Variants in FAM131C observed in about 807,000 individuals in gnomAD.
FAM131C encodes protein FAM131C.
FAM131C carries 14 observed loss-of-function variants against 29.8 expected under a neutral mutation model. The observed-to-expected ratio is 0.47, with a 90% confidence interval of 0.31 to 0.73. The LOEUF (loss-of-function observed/expected upper bound fraction) is 0.73, where lower values mean the gene tolerates loss of function less well. Ranked by LOEUF, FAM131C falls within the 30% of genes least tolerant of loss-of-function variation. The pLI is 0.05. For synonymous variants in FAM131C, 86 were observed against 157.8 expected (o/e 0.54, Z 3.41); for missense variants, 252 against 383.8 (o/e 0.66, Z 2.87).
In FAM131C at chr1:16,062,091, G is replaced by C; in HGVS notation, c.268+8C>G. ...TCCACCGGCAGGAGAGTTGCGGCCAGAACCTACCCACAAGGGACGAGGTGG... is the reference window on the plus strand; with the variant it reads ...TCCACCGGCAGGAGAGTTGCGGCCACAACCTACCCACAAGGGACGAGGTGG... On this transcript the variant is annotated splice_region_variant and intron_variant, in intron 4 of 6. Transcript: ENST00000375662. 1 of 1,610,888 alleles carries C rather than the reference G, an allele frequency of 6.2e-7. No homozygotes were observed. Among genetic ancestry groups the C allele is most frequent in the African/African-American group, 1.3e-5 (1 of 75,006 alleles).
At chr1:16,062,021 C>G (rs1013979480) in intron 4 of FAM131C, 78 bp downstream of exon 4, 1 of 1,387,046 alleles carries the variant, frequency 7.2e-7, no homozygotes, top group African/African-American at 1.4e-5. Flanking sequence ...TGCAACTCAG[C>G]CATGCCCTTC....
At chr1:16,060,676 G>A (rs2023580739) in intron 4 of FAM131C, among the ~76,000 whole-genome samples, 2 of 152,200 alleles carry the variant, frequency 1.3e-5, no homozygotes, top group South Asian at 2.1e-4. Flanking sequence ...AGGCATGGTA[G>A]TGTCTGGCGT....
chr1:16,071,309 T>A (rs1300313292), intron 1 of FAM131C, among the ~76,000 whole-genome samples: 2 of 152,206 alleles, frequency 1.3e-5, no homozygotes, highest in African/African-American at 4.8e-5. Context: ...ATGGTTTAAA[T>A]CTTGGCTTAT....
At chr1:16,060,245 C>T (rs2124124555) in intron 4 of FAM131C, among the ~76,000 whole-genome samples, 194 bp from the exon 5 acceptor site, 1 of 120,430 alleles carries the variant, frequency 8.3e-6, no homozygotes, top group African/African-American at 2.6e-5. Flanking sequence ...GCCTTCTGCT[C>T]ACTCCTGCCC....
chr1:16,069,849 C>T (rs2023730333), intron 1 of FAM131C, among the ~76,000 whole-genome samples: 1 of 152,162 alleles, frequency 6.6e-6, no homozygotes, highest in Non-Finnish European at 1.5e-5. Context: ...GCAGCTTCGA[C>T]CTCCTGGGTT....
chr1:16,058,677 G>C lies in FAM131C; in HGVS notation c.603C>G (p.Gly201=), dbSNP rs1469404521. The part of the protein sequence containing the change: ...SIYLQDSLPS[G]PSQDDSLQAF... ...CCTGAAGGCTGTCATCCTGTGAGGG[G>C]CCGCTGGGAAGGCTGTCCTGAAGGT... Residue 201 remains glycine, a synonymous_variant, in exon 7 of 7, where the codon GGC becomes GGG. Coordinates refer to ENST00000375662, the MANE Select transcript of FAM131C (RefSeq NM_182623.3). 6.2e-7 allele frequency: 1 copy of C among 1,601,690 alleles called. No homozygotes were observed. Among genetic ancestry groups the C allele is most frequent in the Non-Finnish European group, 8.5e-7 (1 of 1,175,698 alleles).
chr1:16,073,130 G>A (rs1225911356), intron 1 of FAM131C, among the ~76,000 whole-genome samples: 1 of 152,204 alleles, frequency 6.6e-6, no homozygotes, highest in East Asian at 1.9e-4. Flanking sequence ...CCCGGCAGGG[G>A]GTGTGTGGCT....
chr1:16,062,526 C>T lies in FAM131C; in HGVS notation c.147G>A (p.Gln49=). The change falls in exon 3 of 7, where the codon CAG becomes CAA. Residue 49 remains glutamine (Q), a synonymous_variant. Transcript: ENST00000375662. ...APDCVIGKDK[Q]MDFCWDPWQR... Reference sequence around the variant, plus strand: ...GCCAAGGATCCCAACAGAAATCCATCTGTTTGTCCTAAAACAAGAGGAGAG... The same window carrying T: ...GCCAAGGATCCCAACAGAAATCCATTTGTTTGTCCTAAAACAAGAGGAGAG... 2 of 1,579,684 alleles carry T rather than the reference C, an allele frequency of 1.3e-6. No homozygotes were observed. The highest frequency in any genetic ancestry group is 1.7e-6 in the Non-Finnish European group (2 of 1,162,936).
chr1:16,061,855 A>G (rs1236495671), intron 4 of FAM131C, among the ~76,000 whole-genome samples: 1 of 148,342 alleles, frequency 6.7e-6, no homozygotes, highest in Non-Finnish European at 1.5e-5. Context: ...CATCTGAAAA[A>G]CTCTGCCCCA....
At chr1:16,064,285 C>T (rs1421213618) in intron 1 of FAM131C, among the ~76,000 whole-genome samples, 1 of 152,182 alleles carries the variant, frequency 6.6e-6, no homozygotes, top group African/African-American at 2.4e-5. Flanking sequence ...GCCCCTCCCT[C>T]ACTGGGTCCA....
At chr1:16,067,884 C>T (rs1257842791) in intron 1 of FAM131C, among the ~76,000 whole-genome samples, 4 of 152,182 alleles carry the variant, frequency 2.6e-5, no homozygotes, top group Non-Finnish European at 5.9e-5. Context: ...CGTGTCCCAA[C>T]CCATTAGTCA....
At position 16,059,866 on chromosome 1, in the gene FAM131C, G is replaced by A; in HGVS notation, c.451+3C>T. 6.2e-7 allele frequency: 1 copy of A among 1,611,066 alleles called. No homozygotes were observed. Among genetic ancestry groups the A allele is most frequent in the Non-Finnish European group, 8.5e-7 (1 of 1,179,758 alleles). ...GCCCTGGCCAGTCCCCCTCCTCGCT[G>A]ACCTGCAGCAAAGCGGGCCTCACGC... On this transcript the variant is annotated splice_donor_region_variant and intron_variant, in intron 5 of 6. Transcript: ENST00000375662.
chr1:16,060,841 G>A (rs933068897), intron 4 of FAM131C, among the ~76,000 whole-genome samples: 4 of 152,182 alleles, frequency 2.6e-5, no homozygotes, highest in African/African-American at 9.7e-5. Context: ...AGGGTAATGA[G>A]CAAGAGAGTG....
At chr1:16,062,380 G>GCCCCCCCC (rs34673312) in intron 3 of FAM131C, 119 bp downstream of exon 3, 171 of 859,988 alleles carry the variant, frequency 2.0e-4, no homozygotes, top group Middle Eastern at 3.7e-4. Flanking sequence ...GTTTCATCAG[G>GCCCCCCCC]CCCCCCCCCC....
intron 2 of FAM131C, among the ~76,000 whole-genome samples, chr1:16,063,183 C>G (rs1026088338): frequency 2.3e-4 from 34 of 148,246 alleles, no homozygotes; most frequent in Non-Finnish European, 4.8e-4. Context: ...TATTTATATA[C>G]AAATTATATG....
chr1:16,063,499 G>A (rs751487510), intron 2 of FAM131C, 22 bp downstream of exon 2: 4 of 1,575,920 alleles, frequency 2.5e-6, no homozygotes, highest in Non-Finnish European at 3.5e-6. Flanking sequence ...AGGTAGCACA[G>A]GGATGAGGAG....
At chr1:16,069,684 C>T (rs1296042461) in intron 1 of FAM131C, among the ~76,000 whole-genome samples, 1 of 152,212 alleles carries the variant, frequency 6.6e-6, no homozygotes, top group Non-Finnish European at 1.5e-5. Flanking sequence ...TACAGACTGC[C>T]ATTGGTTGCA....
intron 4 of FAM131C, among the ~76,000 whole-genome samples, chr1:16,061,599 G>A (rs1045077601): frequency 2.0e-5 from 3 of 152,148 alleles, no homozygotes; most frequent in Non-Finnish European, 4.4e-5. Flanking sequence ...TTGCCTTGGG[G>A]TGTCATCAAT....
intron 4 of FAM131C, among the ~76,000 whole-genome samples, chr1:16,061,625 G>T (rs1377342828): frequency 6.6e-6 from 1 of 152,156 alleles, no homozygotes; most frequent in Non-Finnish European, 1.5e-5. Context: ...GGTGCTATTT[G>T]TGCTCCCAAG....
Sources: gnomAD v4.1 joint callset for allele counts (sites outside exome capture counted in the v4.1 genomes callset) on GRCh38, gnomAD v4.1.1 for gene constraint, MANE v1.5 for transcripts, NCBI Gene and HGNC (gene_info 2026-07-23, HGNC 2026-07-21) for gene names.